DOCK4: variants seen among roughly 807,000 people sequenced by gnomAD.
DOCK4 encodes the protein dedicator of cytokinesis protein 4.
DOCK4 carries 97 observed loss-of-function variants against 268.1 expected under a neutral mutation model. The observed-to-expected ratio is 0.36, with a 90% confidence interval of 0.31 to 0.43. The LOEUF is 0.43. DOCK4 is among the 20% of genes least tolerant of loss of function. The pLI, the probability that DOCK4 is intolerant of heterozygous loss-of-function variation, is 1.00. For missense variants in DOCK4, 2,145 were observed against 2,455.7 expected, an observed-to-expected ratio of 0.87 and a Z score of 2.67; for synonymous variants, 954 against 887.2, an observed-to-expected ratio of 1.08 and a Z score of -1.34.
intron 1 of DOCK4, among the ~76,000 whole-genome samples, chr7:112,152,701 G>T (rs1004991565): frequency 6.6e-6 from 1 of 152,152 alleles, no homozygotes; most frequent in South Asian, 2.1e-4. Context: ...TGCTGAGGCT[G>T]GTCTCAACTC....
chr7:111,996,988 C>G (rs1800018231), intron 4 of DOCK4, among the ~76,000 whole-genome samples: 1 of 152,154 alleles, frequency 6.6e-6, no homozygotes, highest in African/African-American at 2.4e-5. Context: ...CAGGGTTGGG[C>G]TTGGGACAAA....
chr7:111,914,283 C>T (rs1792398109), intron 13 of DOCK4, among the ~76,000 whole-genome samples: 1 of 152,172 alleles, frequency 6.6e-6, no homozygotes, highest in South Asian at 2.1e-4. Context: ...CAAACAGCCT[C>T]CAAACCGGTC....
intron 1 of DOCK4, among the ~76,000 whole-genome samples, chr7:112,191,077 T>C (rs1222698071): frequency 6.6e-6 from 1 of 152,120 alleles, no homozygotes; most frequent in Non-Finnish European, 1.5e-5. Flanking sequence ...AGGTTTCTTG[T>C]TTTGTTTAGT....
chr7:111,880,559 G>A (rs1231354452), intron 16 of DOCK4, among the ~76,000 whole-genome samples: 1 of 152,128 alleles, frequency 6.6e-6, no homozygotes, highest in Non-Finnish European at 1.5e-5. Context: ...ACACAGAATA[G>A]TATAATGCCG....
Position 112,050,335 on chromosome 7 carries a change from A to C in DOCK4, c.38-46204T>G, listed in dbSNP as rs113783138. ...ATGGAGGAGGCTCTTTTGCTATCCAATGTTAAGGTCACTGGATTGATTCCC... is the reference window on the plus strand; with the variant it reads ...ATGGAGGAGGCTCTTTTGCTATCCACTGTTAAGGTCACTGGATTGATTCCC... On this transcript the variant is annotated intron_variant, in intron 1 of 52. Coordinates refer to ENST00000428084, the MANE Select transcript of DOCK4 (RefSeq NM_001363540.2). Among the ~76,000 whole-genome samples the C allele has an allele frequency of 6.5e-3, 982 of 152,228 alleles. 11 individuals carry two copies. Among genetic ancestry groups the C allele is most frequent in the African/African-American group, 0.023 (939 of 41,540 alleles).
chr7:112,083,479 G>A (rs1206266339), intron 1 of DOCK4, among the ~76,000 whole-genome samples: 2 of 151,872 alleles, frequency 1.3e-5, no homozygotes, highest in Non-Finnish European at 2.9e-5. Flanking sequence ...ATCTTTACAT[G>A]TTGAGCTTAA....
intron 1 of DOCK4, among the ~76,000 whole-genome samples, chr7:112,107,169 A>G (rs993686437): frequency 3.3e-5 from 5 of 152,220 alleles, no homozygotes; most frequent in South Asian, 2.1e-4. Flanking sequence ...GGGGGAAAGG[A>G]AAGAGGAGAA....
chr7:111,823,179 G>A (rs927351207), intron 26 of DOCK4, among the ~76,000 whole-genome samples: 12 of 149,788 alleles, frequency 8.0e-5, no homozygotes, highest in South Asian at 4.2e-4. Context: ...TTGACAAGAA[G>A]CTATCATCAG....
intron 1 of DOCK4, among the ~76,000 whole-genome samples, chr7:112,107,408 G>C (rs9656189): frequency 0.019 from 2,943 of 152,304 alleles, 111 homozygotes; most frequent in African/African-American, 0.066. Context: ...AAGGCACACA[G>C]AGCAAAGGCC....
At chr7:111,774,383 G>A (rs557035521) in intron 36 of DOCK4, among the ~76,000 whole-genome samples, 11 of 152,152 alleles carry the variant, frequency 7.2e-5, no homozygotes, top group East Asian at 3.9e-4. Context: ...CAGGAGAATC[G>A]CTTGAACCTG....
At chr7:112,072,749 G>A (rs1807709619) in intron 1 of DOCK4, among the ~76,000 whole-genome samples, 1 of 152,204 alleles carries the variant, frequency 6.6e-6, no homozygotes, top group South Asian at 2.1e-4. Flanking sequence ...ACCTGAAACT[G>A]GTGATCAGCA....
intron 1 of DOCK4, among the ~76,000 whole-genome samples, chr7:112,162,981 G>A (rs773723007): frequency 2.0e-5 from 3 of 152,166 alleles, no homozygotes; most frequent in Non-Finnish European, 4.4e-5. Flanking sequence ...AACACTGCCT[G>A]AGTGTGGGGA....
At chr7:111,928,549 T>C (rs1793919799) in intron 12 of DOCK4, among the ~76,000 whole-genome samples, 1 of 151,972 alleles carries the variant, frequency 6.6e-6, no homozygotes, top group Non-Finnish European at 1.5e-5. Context: ...ACAAGAGATA[T>C]GACAACTGCA....
In DOCK4 at chr7:111,760,174, C is replaced by T. The variant is rs370218736; in HGVS notation, c.4162+7G>A. On this transcript the variant is annotated splice_region_variant and intron_variant, in intron 40 of 52. Transcript: ENST00000428084. Reference sequence around the variant, plus strand: ...TCACTGAGTCCAGCCCTTGTAGGTGCGGATACACTGAGCTTCTGCCTGGAA... The same window carrying T: ...TCACTGAGTCCAGCCCTTGTAGGTGTGGATACACTGAGCTTCTGCCTGGAA... 4.4e-5 allele frequency: 71 copies of T among 1,613,760 alleles called. No homozygotes were observed. Among genetic ancestry groups the T allele is most frequent in the African/African-American group, 4.4e-4 (33 of 75,030 alleles).
intron 1 of DOCK4, among the ~76,000 whole-genome samples, chr7:112,120,300 C>T (rs975315701): frequency 6.6e-5 from 10 of 151,992 alleles, no homozygotes; most frequent in African/African-American, 2.4e-4. Flanking sequence ...ATCCACTGGG[C>T]CACATGTCAT....
chr7:111,945,184 TTTTTG>T (rs1447990120), intron 9 of DOCK4, among the ~76,000 whole-genome samples: 1 of 152,026 alleles, frequency 6.6e-6, no homozygotes, highest in Non-Finnish European at 1.5e-5. Context: ...CTGGTTTTGT[TTTTTG>T]TTTTTTGTTT....
chr7:111,812,486 T>G (rs1249677955), intron 27 of DOCK4, among the ~76,000 whole-genome samples: 3 of 152,224 alleles, frequency 2.0e-5, no homozygotes, highest in Admixed American at 2.0e-4. Context: ...CTCACTCTGT[T>G]GACCACGCTG....
At chr7:111,983,764 G>A (rs145012383) in intron 7 of DOCK4, among the ~76,000 whole-genome samples, 275 of 152,064 alleles carry the variant, frequency 1.8e-3, no homozygotes, top group African/African-American at 6.1e-3. Context: ...AAGGGTGGGT[G>A]TAAGTCCAGC....
At chr7:112,086,733 CAG>C (rs1346059103) in intron 1 of DOCK4, among the ~76,000 whole-genome samples, 2 of 152,248 alleles carry the variant, frequency 1.3e-5, no homozygotes, top group Middle Eastern at 3.4e-3. Flanking sequence ...CCGATTCTGA[CAG>C]AGTTTTACGC....
Sources: gnomAD v4.1 joint callset for allele counts (sites outside exome capture counted in the v4.1 genomes callset) on GRCh38, gnomAD v4.1.1 for gene constraint, MANE v1.5 for transcripts, NCBI Gene and HGNC (gene_info 2026-07-23, HGNC 2026-07-21) for gene names.